Variants in HSD17B13 observed in about 807,000 individuals in gnomAD.
HSD17B13 encodes 17-beta-hydroxysteroid dehydrogenase 13.
Under a neutral mutation model 31.1 loss-of-function variants are expected in HSD17B13, and 26 were observed. That is an observed-to-expected ratio of 0.84 (90% CI 0.61 to 1.16). HSD17B13 has a LOEUF of 1.16. HSD17B13 is among the 50% of genes most tolerant of loss of function. HSD17B13 has a pLI of 0.00. For missense variants in HSD17B13, 374 were observed against 366.5 expected (o/e 1.02, Z -0.17); for synonymous variants, 141 against 133.7 (o/e 1.05, Z -0.38).
chr4:87,305,274 G>A lies in HSD17B13; in HGVS notation c.847C>T (p.Arg283Cys), dbSNP rs755551017. 7 of 1,606,210 alleles carry A rather than the reference G, an allele frequency of 4.4e-6. No homozygotes were observed. The South Asian group carries it at 4.5e-5, about 10-fold the overall frequency. ...LPERASAILN[R>C]MQNIQFEAVV... is the part of the protein sequence containing the mutation. Reference sequence around the variant, plus strand: ...GCTTCAAATTGAATATTCTGCATACGATTTAAAATCGCTGAGGCGCGTTCA... The same window carrying A: ...GCTTCAAATTGAATATTCTGCATACAATTTAAAATCGCTGAGGCGCGTTCA... The change falls in exon 7 of 7, where the codon CGT (arginine) becomes TGT (cysteine). Residue 283 changes from arginine to cysteine, a missense_variant. Coordinates refer to ENST00000328546, the MANE Select transcript of HSD17B13 (RefSeq NM_178135.5).
At chr4:87,307,298 T>C (rs1027388760) in intron 6 of HSD17B13, among the ~76,000 whole-genome samples, 1 of 152,174 alleles carries the variant, frequency 6.6e-6, no homozygotes, top group Non-Finnish European at 1.5e-5. Context: ...ACAAAAGACT[T>C]TGAGACTCTT....
At chr4:87,320,609 G>C (rs1326267796) in intron 1 of HSD17B13, among the ~76,000 whole-genome samples, 1 of 151,930 alleles carries the variant, frequency 6.6e-6, no homozygotes, top group Non-Finnish European at 1.5e-5. Flanking sequence ...GGATGGTCTC[G>C]ATCTCCTGAC....
At chr4:87,311,400 C>A (rs1355867244) in intron 5 of HSD17B13, among the ~76,000 whole-genome samples, 1 of 152,044 alleles carries the variant, frequency 6.6e-6, no homozygotes, top group Non-Finnish European at 1.5e-5. Context: ...ATCTAAGAAC[C>A]CTCTCTTGGG....
At chr4:87,312,095 T>C (rs995441666) in intron 5 of HSD17B13, among the ~76,000 whole-genome samples, 2 of 152,104 alleles carry the variant, frequency 1.3e-5, no homozygotes, top group Admixed American at 6.6e-5. Flanking sequence ...CCCTCATCTA[T>C]CATGCCTTCC....
chr4:87,315,472 T>C (rs770543220), intron 4 of HSD17B13, 21 bp downstream of exon 4: 10 of 1,387,672 alleles, frequency 7.2e-6, no homozygotes, highest in Non-Finnish European at 1.0e-5. Context: ...ATATATAACA[T>C]GGCTGGCATG....
intron 6 of HSD17B13, among the ~76,000 whole-genome samples, chr4:87,305,601 T>C (rs1734374094): frequency 6.6e-6 from 1 of 152,100 alleles, no homozygotes; most frequent in African/African-American, 2.4e-5. Context: ...GTAATTGCTA[T>C]AGTAATCACA....
In HSD17B13 at chr4:87,322,699, A is replaced by G; in HGVS notation, c.143T>C (p.Ile48Thr). ...AAATTCATAAGTAGTCTGCCTGCCT[A>G]TTCCATGCCCAGCTCCAGTAATGAG... is the stretch of plus-strand genomic sequence containing the variant. The part of the protein sequence containing the change: ...IVLITGAGHG[I>T]GRQTTYEFAK... Residue 48 changes from isoleucine (I) to threonine (T), a missense_variant, in exon 1 of 7, where the codon ATA becomes ACA. Transcript: ENST00000328546. 3 of 1,614,194 alleles carry G rather than the reference A, an allele frequency of 1.9e-6. No homozygotes were observed. The highest frequency in any genetic ancestry group is 2.2e-5 in the East Asian group (1 of 44,882).
intron 6 of HSD17B13, among the ~76,000 whole-genome samples, chr4:87,307,527 T>G (rs897685629): frequency 1.3e-5 from 2 of 152,184 alleles, no homozygotes; most frequent in African/African-American, 4.8e-5. Flanking sequence ...AAAAAATTTA[T>G]TTTTCCGAGA....
chr4:87,321,018 A>G (rs1734774217), intron 1 of HSD17B13, among the ~76,000 whole-genome samples: 5 of 151,912 alleles, frequency 3.3e-5, no homozygotes, highest in Admixed American at 3.3e-4. Flanking sequence ...TGGGTTACCT[A>G]TTTTTCTTAA....
At chr4:87,311,124 C>A (rs1270295289) in intron 5 of HSD17B13, among the ~76,000 whole-genome samples, 1 of 152,106 alleles carries the variant, frequency 6.6e-6, no homozygotes, top group Non-Finnish European at 1.5e-5. Flanking sequence ...TTTACAAATA[C>A]CATGGCAATG....
intron 6 of HSD17B13, among the ~76,000 whole-genome samples, chr4:87,307,002 T>C (rs1734405098): frequency 1.5e-5 from 2 of 136,026 alleles, no homozygotes; most frequent in South Asian, 4.9e-4. Context: ...ATATTGAAAA[T>C]CACTTTGGTA....
At position 87,318,827 on chromosome 4, in the gene HSD17B13, A is replaced by G. The variant is rs527936969; in HGVS notation, c.211-391T>C. Among the ~76,000 whole-genome samples, 34 of 151,376 alleles carry G rather than the reference A, an allele frequency of 2.2e-4. 1 individual carries two copies. The East Asian group carries it at 6.6e-3, about 30-fold the overall frequency. ...AAAAAAAAAAAAAAAATTAACATTC[A>G]TGTCCAAAATGAACAATTAACATTC... On this transcript the variant is annotated intron_variant, in intron 1 of 6. Transcript: ENST00000328546.
At chr4:87,311,267 C>T (rs1049468639) in intron 5 of HSD17B13, among the ~76,000 whole-genome samples, 3 of 152,066 alleles carry the variant, frequency 2.0e-5, no homozygotes, top group African/African-American at 7.2e-5. Flanking sequence ...CTCTAAATAC[C>T]CTTGGTGGAG....
chr4:87,314,097 T>C (rs1457021318), intron 4 of HSD17B13, 137 bp from the exon 5 acceptor site: 6 of 531,480 alleles, frequency 1.1e-5, no homozygotes, highest in Non-Finnish European at 1.9e-5. Context: ...TCTGAGAGTA[T>C]AAATGGCAAT....
chr4:87,312,468 C>A (rs577735174), intron 5 of HSD17B13, among the ~76,000 whole-genome samples: 97 of 151,988 alleles, frequency 6.4e-4, no homozygotes, highest in African/African-American at 2.1e-3. Context: ...CTATAGGCCT[C>A]CGACTGTAGT....
rs745650868 is a variant in HSD17B13, at chr4:87,322,623, A to G, written c.210+9T>C. 2.5e-6 allele frequency: 4 copies of G among 1,579,428 alleles called. No individual in the cohort carries two copies. In the South Asian group the frequency reaches 3.3e-5, roughly 13 times the overall value. On this transcript the variant is annotated intron_variant, in intron 1 of 6. Transcript: ENST00000328546. ...GTGACTTTAAAAAGTTGGAAGATGT[A>G]TACATTACCTTATTAATATCCCACA...
chr4:87,314,105 A>C (rs536381487), intron 4 of HSD17B13, 145 bp from the exon 5 acceptor site: 3 of 504,456 alleles, frequency 5.9e-6, no homozygotes, highest in African/African-American at 2.0e-5. Context: ...TATAAATGGC[A>C]ATTCATTTTC....
chr4:87,305,345 A>T (rs1291438930), intron 6 of HSD17B13, 37 bp from the exon 7 acceptor site: 3 of 1,398,710 alleles, frequency 2.1e-6, no homozygotes, highest in African/African-American at 2.9e-5. Flanking sequence ...AAAATTTTCC[A>T]TTTAAAATCT....
At chr4:87,305,931 G>A (rs1358006662) in intron 6 of HSD17B13, among the ~76,000 whole-genome samples, 1 of 152,130 alleles carries the variant, frequency 6.6e-6, no homozygotes, top group Non-Finnish European at 1.5e-5. Flanking sequence ...AGCGGAGTAC[G>A]TTAATAATCG....
Sources: allele counts gnomAD v4.1 joint callset (sites outside exome capture counted in the v4.1 genomes callset), GRCh38; gene constraint gnomAD v4.1.1; transcripts MANE v1.5; gene names NCBI Gene and HGNC (gene_info 2026-07-23, HGNC 2026-07-21).